SUPT3H: variants seen among roughly 807,000 people sequenced by gnomAD.
SUPT3H encodes transcription initiation protein SPT3 homolog.
A neutral mutation model predicts 44.3 loss-of-function variants in SUPT3H; 44 were observed. The ratio of observed to expected loss-of-function variants is 0.99; its 90% CI spans 0.78 to 1.28. The LOEUF (loss-of-function observed/expected upper bound fraction) is 1.28. SUPT3H is among the 50% of genes most tolerant of loss of function. The probability of loss-of-function intolerance (pLI) is 0.00; values close to 1 mark genes in which losing one functional copy is unlikely to be tolerated. For missense variants in SUPT3H, 380 were observed against 387.1 expected (o/e 0.98, Z 0.15); for synonymous variants, 124 against 125.6 (o/e 0.99, Z 0.09).
chr6:45,230,696 T>A (rs1767877814), intron 2 of SUPT3H, among the ~76,000 whole-genome samples: 1 of 57,712 alleles, frequency 1.7e-5, no homozygotes, highest in Non-Finnish European at 4.1e-5. Flanking sequence ...ATTTTTGAGA[T>A]GGAGTCTTGC....
intron 2 of SUPT3H, among the ~76,000 whole-genome samples, chr6:45,152,413 C>G (rs554894317): frequency 5.5e-4 from 84 of 152,244 alleles, no homozygotes; most frequent in Admixed American, 1.5e-3. Flanking sequence ...CTGGGCAGTT[C>G]TAGTAGACGT....
chr6:44,844,829 A>G (rs1771595997), intron 10 of SUPT3H, among the ~76,000 whole-genome samples: 1 of 152,178 alleles, frequency 6.6e-6, no homozygotes, highest in African/African-American at 2.4e-5. Flanking sequence ...TGGTGGTTTT[A>G]TGGCTATATA....
intron 2 of SUPT3H, among the ~76,000 whole-genome samples, chr6:45,305,316 C>T (rs1380543959): frequency 1.3e-5 from 2 of 152,184 alleles, no homozygotes; most frequent in African/African-American, 2.4e-5. Flanking sequence ...ATATTTATTG[C>T]TTCCGCTATA....
At chr6:44,902,176 T>G (rs530929052) in intron 10 of SUPT3H, among the ~76,000 whole-genome samples, 1 of 152,116 alleles carries the variant, frequency 6.6e-6, no homozygotes, top group Non-Finnish European at 1.5e-5. Context: ...CATAACAATA[T>G]TAACCTTAAA....
chr6:45,377,117 T>A (rs12210230), intron 1 of SUPT3H, among the ~76,000 whole-genome samples: 33,129 of 152,020 alleles, frequency 0.22, 4,401 homozygotes, highest in Non-Finnish European at 0.31. Context: ...CATTCTGAAC[T>A]CCTAAAACGT....
intron 2 of SUPT3H, among the ~76,000 whole-genome samples, chr6:45,219,882 TA>T (rs1765719869): frequency 6.6e-6 from 1 of 150,978 alleles, no homozygotes; most frequent in South Asian, 2.1e-4. Context: ...CCATTAAAAA[TA>T]AAAAAATTAG....
At chr6:44,964,960 A>G (rs940290215) in intron 6 of SUPT3H, among the ~76,000 whole-genome samples, 6 of 152,206 alleles carry the variant, frequency 3.9e-5, no homozygotes, top group Non-Finnish European at 7.3e-5. Context: ...CAGGACTCCC[A>G]ATTCCTAAGT....
At chr6:45,376,831 G>A (rs1796845498) in intron 1 of SUPT3H, among the ~76,000 whole-genome samples, 1 of 151,592 alleles carries the variant, frequency 6.6e-6, no homozygotes, top group African/African-American at 2.4e-5. Context: ...TAAGACCCCA[G>A]GTCCTCTCCT....
chr6:45,232,900 G>A lies in SUPT3H; in HGVS notation c.102-126894C>T, dbSNP rs146064270. Among the ~76,000 whole-genome samples the A allele has an allele frequency of 9.5e-3, 1,452 of 152,248 alleles. 16 individuals are homozygous for A. The highest frequency in any genetic ancestry group is 0.014 in the Non-Finnish European group (940 of 68,016). On this transcript the variant is annotated intron_variant, in intron 2 of 10. Transcript: ENST00000371459. The stretch of plus-strand genomic sequence containing the variant: ...CCAGTTCGCCTGCCCCAGCCTCCAG[G>A]AGCAGCAACAGTGGCTGGGCCTACA...
intron 2 of SUPT3H, among the ~76,000 whole-genome samples, chr6:45,211,586 C>T (rs950426500): frequency 6.6e-5 from 10 of 151,868 alleles, no homozygotes; most frequent in Admixed American, 3.3e-4. Context: ...CGTGGTGGCT[C>T]GCACCTGTAA....
At chr6:44,890,772 A>AT (rs748587922) in intron 10 of SUPT3H, among the ~76,000 whole-genome samples, 17,919 of 145,408 alleles carry the variant, frequency 0.12, 1,388 homozygotes, top group East Asian at 0.27. Flanking sequence ...AATAATAATA[A>AT]AAAAAAAAGA....
At chr6:44,980,873 A>G (rs1582881248) in intron 6 of SUPT3H, among the ~76,000 whole-genome samples, 1 of 152,222 alleles carries the variant, frequency 6.6e-6, no homozygotes, top group Non-Finnish European at 1.5e-5. Context: ...TCAAATAACC[A>G]TGTCTAATAA....
intron 2 of SUPT3H, among the ~76,000 whole-genome samples, chr6:45,218,375 A>T (rs1765433779): frequency 1.3e-5 from 2 of 152,310 alleles, no homozygotes; most frequent in South Asian, 4.1e-4. Context: ...GAGCTGGAAA[A>T]AAAATTGATA....
intron 9 of SUPT3H, among the ~76,000 whole-genome samples, chr6:44,944,762 CAAAAAAAAA>C: frequency 3.3e-5 from 1 of 29,898 alleles, no homozygotes; most frequent in Admixed American, 5.4e-4. Context: ...ACCCTCTCTC[CAAAAAAAAA>C]AAAAAAAAAA....
At chr6:45,044,307 C>G (rs887913615) in intron 3 of SUPT3H, among the ~76,000 whole-genome samples, 1 of 152,168 alleles carries the variant, frequency 6.6e-6, no homozygotes, top group African/African-American at 2.4e-5. Flanking sequence ...TTGGAATAAT[C>G]TTTCCAATTT....
At chr6:45,281,069 AAG>A (rs1777961185) in intron 2 of SUPT3H, among the ~76,000 whole-genome samples, 1 of 152,220 alleles carries the variant, frequency 6.6e-6, no homozygotes, top group Non-Finnish European at 1.5e-5. Context: ...CAACTTATAA[AAG>A]ACTGTTTTAG....
chr6:45,201,464 C>T (rs147196588), intron 2 of SUPT3H, among the ~76,000 whole-genome samples: 56 of 151,710 alleles, frequency 3.7e-4, no homozygotes, highest in African/African-American at 1.3e-3. Flanking sequence ...TTCCATATTC[C>T]CATTTTTAAA....
chr6:45,102,147 A>C (rs1375777737), intron 3 of SUPT3H, among the ~76,000 whole-genome samples: 1 of 152,200 alleles, frequency 6.6e-6, no homozygotes, highest in African/African-American at 2.4e-5. Context: ...TTTCAACAAA[A>C]AATTTAATAT....
chr6:45,106,472 C>A (rs1453442117), intron 2 of SUPT3H, among the ~76,000 whole-genome samples: 2 of 152,118 alleles, frequency 1.3e-5, no homozygotes, highest in African/African-American at 4.8e-5. Context: ...CTTTCCCACA[C>A]AAGTTGCAAC....
Sources: gnomAD v4.1 joint callset for allele counts (sites outside exome capture counted in the v4.1 genomes callset) on GRCh38, gnomAD v4.1.1 for gene constraint, MANE v1.5 for transcripts, NCBI Gene and HGNC (gene_info 2026-07-23, HGNC 2026-07-21) for gene names.